KANSL2: variants seen among roughly 807,000 people sequenced by gnomAD.
KANSL2 encodes the protein KAT8 regulatory NSL complex subunit 2, also known as NSL complex protein NSL2.
KANSL2 carries 34 observed loss-of-function variants against 55.6 expected under a neutral mutation model. That is an observed-to-expected ratio of 0.61 (90% CI 0.46 to 0.81). KANSL2 has a LOEUF of 0.81. Ranked by LOEUF, KANSL2 falls within the 40% of genes least tolerant of loss-of-function variation. KANSL2 has a pLI of 0.00. For synonymous variants in KANSL2, 209 were observed against 214.3 expected (o/e 0.98, Z 0.22); for missense variants, 502 against 609.9 (o/e 0.82, Z 1.86).
rs1348316729 is a variant in KANSL2, at chr12:48,660,511, G to T, written c.1082C>A (p.Pro361Gln). 6.2e-7 allele frequency: 1 copy of T among 1,613,698 alleles called. No individual in the cohort carries two copies. The highest frequency in any genetic ancestry group is 2.2e-5 in the East Asian group (1 of 44,860). Reference protein sequence around the residue: ...PVSLSEDPCCPLHFQLPPQMY... With the variant: ...PVSLSEDPCCQLHFQLPPQMY... ...CTGAGGAGGCAACTGGAAATGCAGT[G>T]GGCAGCAGGGATCCTCAGAGAGGCT... The change falls in exon 8 of 10, where the codon CCA becomes CAA. Residue 361 changes from proline (P) to glutamine (Q), a missense_variant. By Grantham distance (76) the Pro-to-Gln change is moderately conservative. Transcript: ENST00000420613.
chr12:48,671,763 C>T, intron 5 of KANSL2, 36 bp downstream of exon 5: 1 of 1,582,540 alleles, frequency 6.3e-7, no homozygotes, highest in Non-Finnish European at 8.6e-7. Context: ...ACATGTTAAA[C>T]CCACAACAGC....
intron 4 of KANSL2, among the ~76,000 whole-genome samples, chr12:48,675,300 G>A (rs922372468): frequency 1.7e-4 from 26 of 152,080 alleles, no homozygotes; most frequent in African/African-American, 6.0e-4. Flanking sequence ...CAGCTACTAG[G>A]GAGGCTGAGG....
rs538347749 is a variant in KANSL2, at chr12:48,680,484, G to C, written c.252-651C>G. Among the ~76,000 whole-genome samples the C allele has an allele frequency of 2.0e-5, 3 of 152,158 alleles. No individual in the cohort carries two copies. In the East Asian group the frequency reaches 5.8e-4, roughly 29 times the overall value. ...TGGGATTACAGGCATGAGCCACTGC[G>C]ACCAGCCAGGGACACAATTTTAAAA... On this transcript the variant is annotated intron_variant, in intron 2 of 9. Coordinates refer to ENST00000420613, the MANE Select transcript of KANSL2 (RefSeq NM_017822.4).
intron 2 of KANSL2, among the ~76,000 whole-genome samples, chr12:48,680,255 C>T (rs1939897126): frequency 6.6e-6 from 1 of 152,166 alleles, no homozygotes; most frequent in Non-Finnish European, 1.5e-5. Flanking sequence ...GAAACGAAGT[C>T]TATGTTGCCA....
At chr12:48,662,488 C>A in intron 7 of KANSL2, 1 of 1,160,882 alleles carries the variant, frequency 8.6e-7, no homozygotes, top group Non-Finnish European at 1.1e-6. Context: ...AAAGGACTCC[C>A]CCCATCATCC....
intron 8 of KANSL2, among the ~76,000 whole-genome samples, chr12:48,659,924 T>A (rs1011213385): frequency 1.3e-5 from 2 of 152,178 alleles, no homozygotes; most frequent in African/African-American, 4.8e-5. Flanking sequence ...TACATTGATA[T>A]GAAATGTCCA....
At chr12:48,672,111 G>A (rs974779877) in intron 4 of KANSL2, 149 bp from the exon 5 acceptor site, 1 of 529,026 alleles carries the variant, frequency 1.9e-6, no homozygotes. Context: ...TACCATTCAA[G>A]TTGTTATTAA....
At chr12:48,663,148 G>C (rs1939519734) in intron 7 of KANSL2, among the ~76,000 whole-genome samples, 1 of 152,096 alleles carries the variant, frequency 6.6e-6, no homozygotes, top group Non-Finnish European at 1.5e-5. Flanking sequence ...AAATGTTAAG[G>C]CTGTCTCAAG....
Position 48,667,051 on chromosome 12 carries a change from C to T in KANSL2, c.973+642G>A, listed in dbSNP as rs913276996. Among the ~76,000 whole-genome samples, 7 of 152,004 alleles carry T rather than the reference C, an allele frequency of 4.6e-5. No homozygotes were observed. The Middle Eastern group carries it at 0.014, about 295-fold the overall frequency. On this transcript the variant is annotated intron_variant, in intron 7 of 9. Transcript: ENST00000420613. ...CAAACATTAGCCAGGTATTGTGGTA[C>T]GTGCCTATAATCCCAGCTACTCGGA... is the stretch of plus-strand genomic sequence containing the variant.
chr12:48,679,576 T>G (rs1412768214), intron 3 of KANSL2, 79 bp downstream of exon 3: 2 of 1,121,134 alleles, frequency 1.8e-6, no homozygotes, highest in Non-Finnish European at 2.6e-6. Context: ...GCCAAATAGA[T>G]CAAGGCATTG....
Position 48,671,979 on chromosome 12 carries a change from T to G in KANSL2, c.546-17A>C. 1.3e-6 allele frequency: 2 copies of G among 1,545,350 alleles called. No individual in the cohort carries two copies. Among genetic ancestry groups the G allele is most frequent in the Non-Finnish European group, 1.8e-6 (2 of 1,142,532 alleles). On this transcript the variant is annotated splice_polypyrimidine_tract_variant and intron_variant, in intron 4 of 9. Coordinates refer to ENST00000420613, the MANE Select transcript of KANSL2 (RefSeq NM_017822.4). The stretch of plus-strand genomic sequence containing the variant: ...CCAGCATGTCTGGAATAAAACAGAA[T>G]TCAGCAAAGCATAAGAAAACAATAA...
intron 4 of KANSL2, 122 bp from the exon 5 acceptor site, chr12:48,672,084 GT>G: frequency 4.0e-6 from 3 of 757,134 alleles, no homozygotes; most frequent in Non-Finnish European, 5.9e-6. Context: ...TCACCTTAAT[GT>G]TTTTGCAAAA....
chr12:48,676,331 C>T lies in KANSL2; in HGVS notation c.545+2705G>A, dbSNP rs542560394. ...ATGTTGCCCAGGCTGGTCTCGAACT[C>T]CTGGGCTCAAGCAATCCTCCCACCT... is the stretch of plus-strand genomic sequence containing the variant. On this transcript the variant is annotated intron_variant, in intron 4 of 9. Coordinates refer to ENST00000420613, the MANE Select transcript of KANSL2 (RefSeq NM_017822.4). Among the ~76,000 whole-genome samples the T allele has an allele frequency of 9.2e-5, 14 of 152,228 alleles. No individual in the cohort carries two copies. The East Asian group carries it at 2.7e-3, about 30-fold the overall frequency.
chr12:48,663,983 T>C (rs1565605742), intron 7 of KANSL2, among the ~76,000 whole-genome samples: 2 of 135,760 alleles, frequency 1.5e-5, no homozygotes, highest in African/African-American at 2.7e-5. Flanking sequence ...AATGGCACGA[T>C]ATCGGCTCAC....
chr12:48,655,624 T>C (rs1015605451), intron 8 of KANSL2, among the ~76,000 whole-genome samples: 1 of 150,898 alleles, frequency 6.6e-6, no homozygotes, highest in Non-Finnish European at 1.5e-5. Context: ...AAACGGAGAA[T>C]AGTAGGGAAC....
At chr12:48,664,705 C>T (rs1288601400) in intron 7 of KANSL2, among the ~76,000 whole-genome samples, 2 of 150,764 alleles carry the variant, frequency 1.3e-5, no homozygotes, top group Non-Finnish European at 3.0e-5. Flanking sequence ...CTCAGCCTCC[C>T]AAGTAGCAAG....
At chr12:48,667,669 T>C in intron 7 of KANSL2, 24 bp downstream of exon 7, 5 of 1,559,886 alleles carry the variant, frequency 3.2e-6, no homozygotes, top group Non-Finnish European at 4.4e-6. Flanking sequence ...AACCACAGCC[T>C]TAACAGGCAG....
At chr12:48,680,979 CG>C (rs879870399) in intron 2 of KANSL2, among the ~76,000 whole-genome samples, 42 of 151,214 alleles carry the variant, frequency 2.8e-4, no homozygotes, top group Admixed American at 3.9e-4. Flanking sequence ...GCCGCCCCCC[CG>C]CCAAAAAATT....
chr12:48,657,794 T>G (rs1242280193), intron 8 of KANSL2, among the ~76,000 whole-genome samples: 1 of 152,180 alleles, frequency 6.6e-6, no homozygotes, highest in Non-Finnish European at 1.5e-5. Flanking sequence ...TTGTTGTATT[T>G]TTGGTAGAGA....
Sources: gnomAD v4.1 joint callset for allele counts (sites outside exome capture counted in the v4.1 genomes callset) on GRCh38, gnomAD v4.1.1 for gene constraint, MANE v1.5 for transcripts, NCBI Gene and HGNC (gene_info 2026-07-23, HGNC 2026-07-21) for gene names.